P2RY2: variants seen among roughly 807,000 people sequenced by gnomAD.
P2RY2 encodes the protein P2Y purinoceptor 2.
For missense variants in P2RY2, 567 were observed against 515.7 expected (o/e 1.10, Z -0.96); for synonymous variants, 241 against 231.9 (o/e 1.04, Z -0.35).
intron 1 of P2RY2, among the ~76,000 whole-genome samples, chr11:73,222,198 G>A (rs1344979082): frequency 6.6e-6 from 1 of 152,114 alleles, no homozygotes; most frequent in African/African-American, 2.4e-5. Context: ...GCTTTATGTG[G>A]CCTCTCCCTC....
At chr11:73,228,631 C>CA (rs1004490086) in intron 2 of P2RY2, among the ~76,000 whole-genome samples, 1 of 152,206 alleles carries the variant, frequency 6.6e-6, no homozygotes, top group African/African-American at 2.4e-5. Context: ...CAGAGAAAGG[C>CA]AGAGTCTCCT....
At chr11:73,227,612 A>G (rs1201355894) in intron 1 of P2RY2, among the ~76,000 whole-genome samples, 1 of 152,158 alleles carries the variant, frequency 6.6e-6, no homozygotes, top group African/African-American at 2.4e-5. Context: ...TAGAATGCAC[A>G]CTGGGCAAAG....
chr11:73,222,365 G>C lies in P2RY2; in HGVS notation c.-200+3933G>C, dbSNP rs992351589. 3.9e-5 allele frequency among the ~76,000 whole-genome samples: 6 copies of C among 152,138 alleles called. No individual in the cohort carries two copies. The East Asian group carries it at 5.8e-4, about 15-fold the overall frequency. ...TGCTCCTCTCATGGCACCACCGTAT[G>C]TGTCGTCTCCTCCTTGGTCTCCCTC... On this transcript the variant is annotated intron_variant, in intron 1 of 2. Coordinates refer to ENST00000393597, the MANE Select transcript of P2RY2 (RefSeq NM_002564.4).
intron 2 of P2RY2, among the ~76,000 whole-genome samples, chr11:73,231,699 G>T (rs759418067): frequency 6.6e-6 from 1 of 152,162 alleles, no homozygotes; most frequent in African/African-American, 2.4e-5. Flanking sequence ...GTCTATGGGA[G>T]TAGAGGTTGC....
intron 2 of P2RY2, among the ~76,000 whole-genome samples, chr11:73,231,227 G>C (rs1274032710): frequency 6.6e-6 from 1 of 152,078 alleles, no homozygotes; most frequent in African/African-American, 2.4e-5. Context: ...ATAGGAGAAA[G>C]AGAAGATCTG....
rs1862023574 is a variant in P2RY2, at chr11:73,218,405, G to A, written c.-227G>A. ...GGGAGCGGCGGCGACGGCACCCTGA[G>A]AGGAGAAGCGCAGCGCAGTGGCGAG... On this transcript the variant is annotated 5_prime_UTR_variant, in exon 1 of 3. Transcript: ENST00000393597. The A allele has an allele frequency of 6.5e-6, 1 of 152,700 alleles. No individual in the cohort carries two copies. Among genetic ancestry groups the A allele is most frequent in the Non-Finnish European group, 1.5e-5 (1 of 68,416 alleles). 9.5% of individuals were successfully genotyped at this position (152,700 alleles called of 1,614,324 possible). A position where few individuals can be genotyped will look rare whatever the true frequency, so the allele number is the denominator to read the frequency against.
intron 1 of P2RY2, among the ~76,000 whole-genome samples, chr11:73,222,160 G>C (rs914192206): frequency 1.3e-5 from 2 of 152,104 alleles, no homozygotes; most frequent in Non-Finnish European, 2.9e-5. Flanking sequence ...CTGGAGTGAG[G>C]GAAAGGGACC....
At position 73,235,701 on chromosome 11, in the gene P2RY2, T is replaced by A. The variant is rs1304240510; in HGVS notation, c.*408T>A. ...TACCAGAGTCTGGAGCTGAGCTACC[T>A]GGGGTGGGGGCCAAGTCACAGGTTG... On this transcript the variant is annotated 3_prime_UTR_variant, in exon 3 of 3. Coordinates refer to ENST00000393597, the MANE Select transcript of P2RY2 (RefSeq NM_002564.4). 2 of 1,008,920 alleles carry A rather than the reference T, an allele frequency of 2.0e-6. No homozygotes were observed. The highest frequency in any genetic ancestry group is 2.4e-6 in the Non-Finnish European group (2 of 836,402). 62.5% of individuals were successfully genotyped at this position (1,008,920 alleles called of 1,614,324 possible).
chr11:73,234,440 C>T lies in P2RY2; in HGVS notation c.281C>T (p.Ala94Val), dbSNP rs199793856. 1.4e-5 allele frequency: 22 copies of T among 1,614,016 alleles called. 1 individual carries two copies. Among genetic ancestry groups the T allele is most frequent in the Middle Eastern group, 3.3e-4 (2 of 6,084 alleles). ...ASLPLLVYYYARGDHWPFSTV... is the reference protein window; with the variant it reads ...ASLPLLVYYYVRGDHWPFSTV... The stretch of plus-strand genomic sequence containing the variant: ...CTGCCGCTGCTGGTCTATTACTACG[C>T]CCGCGGCGACCACTGGCCCTTCAGC... The change falls in exon 3 of 3, where the codon GCC (alanine) becomes GTC (valine). Residue 94 changes from alanine (A) to valine (V), a missense_variant. Transcript: ENST00000393597.
intron 1 of P2RY2, among the ~76,000 whole-genome samples, chr11:73,220,476 CT>C (rs1356800885): frequency 2.0e-5 from 3 of 152,214 alleles, no homozygotes; most frequent in Non-Finnish European, 4.4e-5. Flanking sequence ...GCCCTTGCCC[CT>C]TGGCCAAACA....
At position 73,234,375 on chromosome 11, in the gene P2RY2, G is replaced by A; in HGVS notation, c.216G>A (p.Met72Ile). The part of the protein sequence containing the change: ...LKTWNASTTY[M>I]FHLAVSDALY... ...CCTGGAATGCGTCCACCACATATAT[G>A]TTCCACCTGGCTGTGTCTGATGCAC... Residue 72 changes from methionine to isoleucine, a missense_variant, in exon 3 of 3, where the codon ATG becomes ATA. By Grantham distance (10) the Met-to-Ile change is conservative (BLOSUM62 1). Transcript: ENST00000393597. The A allele has an allele frequency of 6.2e-7, 1 of 1,614,216 alleles. No homozygotes were observed. The highest frequency in any genetic ancestry group is 2.2e-5 in the East Asian group (1 of 44,886).
chr11:73,240,221 CCA>C lies in P2RY2; in HGVS notation c.*4929_*4930del, dbSNP rs1254797276. ...GCCAGGAACAATGGGCCAGGCAGGGCCAGTCACCCCCTGTCCCTGGGGGCTCC... is the reference window on the plus strand; with the variant it reads ...GCCAGGAACAATGGGCCAGGCAGGGCGTCACCCCCTGTCCCTGGGGGCTCC... On this transcript the variant is annotated 3_prime_UTR_variant, in exon 3 of 3. Coordinates refer to ENST00000393597, the MANE Select transcript of P2RY2 (RefSeq NM_002564.4). The C allele has an allele frequency of 6.6e-6, 1 of 152,282 alleles. No homozygotes were observed. Among genetic ancestry groups the C allele is most frequent in the African/African-American group, 2.4e-5 (1 of 41,426 alleles). The allele number at this position is 152,282 out of a possible 1,614,324, so 9.4% of individuals were successfully genotyped here.
chr11:73,223,874 A>G (rs1020724160), intron 1 of P2RY2, among the ~76,000 whole-genome samples: 3 of 152,186 alleles, frequency 2.0e-5, no homozygotes, highest in Non-Finnish European at 4.4e-5. Context: ...TAATTGGAAC[A>G]CTAGACCTTG....
intron 2 of P2RY2, among the ~76,000 whole-genome samples, chr11:73,230,659 G>A (rs1164511364): frequency 6.6e-6 from 1 of 152,102 alleles, no homozygotes; most frequent in Non-Finnish European, 1.5e-5. Flanking sequence ...GAGTTTAACA[G>A]GTGGAGACGA....
rs1565147015 is a variant in P2RY2, at chr11:73,236,211, T to C, written c.*918T>C. ...TCCCAGTTTAGGTGATGGCCAGTCA[T>C]GTGCTGGTAAATGTTAAGCCATTTA... On this transcript the variant is annotated 3_prime_UTR_variant, in exon 3 of 3. Transcript: ENST00000393597. The C allele has an allele frequency of 1.0e-6, 1 of 997,182 alleles. No individual in the cohort carries two copies. Among genetic ancestry groups the C allele is most frequent in the Non-Finnish European group, 1.2e-6 (1 of 827,298 alleles). The allele number at this position is 997,182 out of a possible 1,614,324, so 61.8% of individuals were successfully genotyped here.
Position 73,236,766 on chromosome 11 carries a change from C to T in P2RY2, c.*1473C>T. 1.0e-6 allele frequency: 1 copy of T among 985,418 alleles called. No individual in the cohort carries two copies. Among genetic ancestry groups the T allele is most frequent in the Non-Finnish European group, 1.2e-6 (1 of 829,914 alleles). The allele number at this position is 985,418 out of a possible 1,614,324, so 61.0% of individuals were successfully genotyped here. A position where few individuals can be genotyped will look rare whatever the true frequency, so the allele number is the denominator to read the frequency against. On this transcript the variant is annotated 3_prime_UTR_variant, in exon 3 of 3. Transcript: ENST00000393597. ...GCCTTCTGGGAAAATCCCAGAATGGCAGGGTGGTGCTCAGGCTGGGTCAGG... is the reference window on the plus strand; with the variant it reads ...GCCTTCTGGGAAAATCCCAGAATGGTAGGGTGGTGCTCAGGCTGGGTCAGG...
rs933274682 is a variant in P2RY2, at chr11:73,235,489, C to T, written c.*196C>T. 9.8e-6 allele frequency: 13 copies of T among 1,321,122 alleles called. No homozygotes were observed. Among genetic ancestry groups the T allele is most frequent in the Non-Finnish European group, 1.3e-5 (13 of 1,032,450 alleles). 81.8% of individuals were successfully genotyped at this position (1,321,122 alleles called of 1,614,324 possible). ...AACTGTTCCCATAACCCCTAGTCAT[C>T]GTTTGTGTGTATAAGTTGGGGGAAT... is the stretch of plus-strand genomic sequence containing the variant. On this transcript the variant is annotated 3_prime_UTR_variant, in exon 3 of 3. Coordinates refer to ENST00000393597, the MANE Select transcript of P2RY2 (RefSeq NM_002564.4).
intron 2 of P2RY2, among the ~76,000 whole-genome samples, chr11:73,233,328 T>C (rs1025976315): frequency 6.6e-6 from 1 of 152,232 alleles, no homozygotes; most frequent in Non-Finnish European, 1.5e-5. Context: ...TTGGAAATAC[T>C]TCCTCAAATA....
intron 2 of P2RY2, among the ~76,000 whole-genome samples, chr11:73,229,669 G>A (rs1042642225): frequency 4.6e-5 from 7 of 152,100 alleles, no homozygotes; most frequent in African/African-American, 1.2e-4. Context: ...TAAAACAGGC[G>A]GAAGGGGCAG....
Sources: gnomAD v4.1 joint callset for allele counts (sites outside exome capture counted in the v4.1 genomes callset) on GRCh38, gnomAD v4.1.1 for gene constraint, MANE v1.5 for transcripts, NCBI Gene and HGNC (gene_info 2026-07-23, HGNC 2026-07-21) for gene names.